Variants in COL22A1 observed in about 807,000 individuals in gnomAD.
COL22A1 encodes collagen alpha-1(XXII) chain.
Under a neutral mutation model 248.9 loss-of-function variants are expected in COL22A1, and 221 were observed. That is an observed-to-expected ratio of 0.89 (90% CI 0.80 to 0.99). The LOEUF (loss-of-function observed/expected upper bound fraction) is 0.99, where lower values mean the gene tolerates loss of function less well. COL22A1 is among the 50% of genes least tolerant of loss of function. The probability of loss-of-function intolerance (pLI) is 0.00; values close to 1 mark genes in which losing one functional copy is unlikely to be tolerated. For missense variants in COL22A1, 2,240 were observed against 2,179.0 expected, an observed-to-expected ratio of 1.03 and a Z score of -0.56; for synonymous variants, 891 against 793.4, an observed-to-expected ratio of 1.12 and a Z score of -2.07.
chr8:138,828,712 T>C (rs1306823485), intron 5 of COL22A1, among the ~76,000 whole-genome samples: 1 of 151,188 alleles, frequency 6.6e-6, no homozygotes, highest in Non-Finnish European at 1.5e-5. Context: ...ATCATGCCAC[T>C]GCACTCCAGC....
intron 10 of COL22A1, among the ~76,000 whole-genome samples, chr8:138,805,355 G>A (rs1388249396): frequency 2.0e-5 from 3 of 149,226 alleles, no homozygotes; most frequent in Admixed American, 6.7e-5. Context: ...GTGGATGTGT[G>A]ATGGTGTGCA....
chr8:138,636,543 G>A (rs1821192577), intron 48 of COL22A1, among the ~76,000 whole-genome samples, 199 bp downstream of exon 48: 1 of 16,584 alleles, frequency 6.0e-5, no homozygotes, highest in Non-Finnish European at 2.8e-4. Flanking sequence ...AAGGCAGGGA[G>A]GCTTCTCCAA....
intron 47 of COL22A1, among the ~76,000 whole-genome samples, chr8:138,639,510 T>G (rs371583340): frequency 5.9e-5 from 9 of 152,178 alleles, no homozygotes; most frequent in African/African-American, 2.2e-4. Context: ...GCATTCATAT[T>G]TAGTCCTCTT....
intron 51 of COL22A1, among the ~76,000 whole-genome samples, chr8:138,625,123 G>A (rs753446541): frequency 4.6e-5 from 7 of 152,084 alleles, no homozygotes; most frequent in Non-Finnish European, 8.8e-5. Context: ...ATAGAAATGC[G>A]ATCACCAGAT....
chr8:138,850,252 G>A (rs953065298), intron 3 of COL22A1, among the ~76,000 whole-genome samples: 4 of 152,204 alleles, frequency 2.6e-5, no homozygotes, highest in African/African-American at 9.6e-5. Context: ...TCCTCTGGCT[G>A]TTCAATCCAC....
At chr8:138,851,643 G>A (rs112769728) in intron 3 of COL22A1, among the ~76,000 whole-genome samples, 8 of 152,316 alleles carry the variant, frequency 5.3e-5, no homozygotes, top group African/African-American at 1.9e-4. Context: ...GCTTTCTCTA[G>A]GAGAGGATGG....
chr8:138,878,253 T>C lies in COL22A1; in HGVS notation c.155A>G (p.Glu52Gly), dbSNP rs776865932. The C allele has an allele frequency of 6.3e-7, 1 of 1,588,948 alleles. No homozygotes were observed. Among genetic ancestry groups the C allele is most frequent in the South Asian group, 1.2e-5 (1 of 86,806 alleles). Residue 52 changes from glutamate to glycine, a missense_variant, in exon 3 of 65, where the codon GAG becomes GGG. Transcript: ENST00000303045. ...LLDTSSSVGK[E>G]DFEKVRQWVA... ...CCACTGCCGGACCTTCTCAAAGTCC[T>C]CCTTGCCCACGCTGGAGGAGGTGTC...
chr8:138,626,289 T>C (rs1332435750), intron 50 of COL22A1, 46 bp from the exon 51 acceptor site: 1 of 1,486,262 alleles, frequency 6.7e-7, no homozygotes, highest in Admixed American at 1.7e-5. Context: ...TCTGCTGGCT[T>C]TTCTGGAAGT....
chr8:138,745,188 T>C (rs570812438), intron 22 of COL22A1, among the ~76,000 whole-genome samples: 14 of 143,886 alleles, frequency 9.7e-5, no homozygotes, highest in African/African-American at 3.8e-4. Flanking sequence ...TTACCAACTT[T>C]TCTTTTTTTT....
intron 2 of COL22A1, 25 bp from the exon 3 acceptor site, chr8:138,878,341 C>T (rs893391624): frequency 2.0e-5 from 30 of 1,488,128 alleles, no homozygotes; most frequent in African/African-American, 2.8e-5. Flanking sequence ...GAAGGGGTGG[C>T]GTAGGGCAAA....
chr8:138,651,475 T>C (rs1278753487), intron 45 of COL22A1, among the ~76,000 whole-genome samples: 2 of 152,234 alleles, frequency 1.3e-5, no homozygotes, highest in Non-Finnish European at 1.5e-5. Flanking sequence ...TGGCGACTTG[T>C]GCCATCTTCT....
At chr8:138,779,483 A>C in intron 14 of COL22A1, 26 bp downstream of exon 14, 5 of 1,577,026 alleles carry the variant, frequency 3.2e-6, no homozygotes, top group African/African-American at 1.3e-5. Context: ...GAGCATCAGA[A>C]GGGCCCAGCT....
rs1355823325 is a variant in COL22A1 at position 138,636,795 on chromosome 8, C to T, written c.3502G>A (p.Gly1168Arg). 3.7e-6 allele frequency: 6 copies of T among 1,612,288 alleles called. No individual in the cohort carries two copies. The highest frequency in any genetic ancestry group is 5.1e-6 in the Non-Finnish European group (6 of 1,178,820). ...TCTGCACCACGTTCTCCTTGACTTC[C>T]CTTGAAAGGAAAAAAAAGAAAAGAA... ...PGPPGIAGPQ[G>R]SQGERGADGE... The change falls in exon 48 of 65, where the codon GGA (glycine) becomes AGA (arginine). Residue 1168 changes from glycine (G) to arginine (R), a missense_variant and splice_region_variant. Physicochemically the swap from Gly to Arg is moderately radical, Grantham distance 125. Transcript: ENST00000303045.
At chr8:138,773,306 C>G (rs538651646) in intron 16 of COL22A1, among the ~76,000 whole-genome samples, 1 of 152,150 alleles carries the variant, frequency 6.6e-6, no homozygotes, top group Non-Finnish European at 1.5e-5. Context: ...CTTCTGGCTG[C>G]CCCCCGAGGG....
intron 12 of COL22A1, among the ~76,000 whole-genome samples, chr8:138,788,457 T>C (rs1442078173): frequency 2.6e-5 from 4 of 152,194 alleles, no homozygotes; most frequent in Admixed American, 2.0e-4. Context: ...AAATAGCACA[T>C]GCATGAATCC....
At chr8:138,700,843 G>A (rs754617167) in intron 31 of COL22A1, among the ~76,000 whole-genome samples, 1 of 152,072 alleles carries the variant, frequency 6.6e-6, no homozygotes, top group African/African-American at 2.4e-5. Flanking sequence ...AAATTAGCTA[G>A]GCGTGATGCC....
In COL22A1 at chr8:138,716,708, T is replaced by C. The variant is rs1829460647; in HGVS notation, c.2400+117A>G. On this transcript the variant is annotated intron_variant, in intron 28 of 64. Coordinates refer to ENST00000303045, the MANE Select transcript of COL22A1 (RefSeq NM_152888.3). Reference sequence around the variant, plus strand: ...TGTCCAGTTTATCCTGGACATATAGTGAGCTCCCAAAAACCAGGATTAATT... The same window carrying C: ...TGTCCAGTTTATCCTGGACATATAGCGAGCTCCCAAAAACCAGGATTAATT... 1.2e-5 allele frequency: 9 copies of C among 753,768 alleles called. No homozygotes were observed. In the South Asian group the frequency reaches 1.4e-4, roughly 12 times the overall value. The allele number at this position is 753,768 out of a possible 1,614,324, so 46.7% of individuals were successfully genotyped here.
At chr8:138,794,529 T>C (rs1816333590) in intron 12 of COL22A1, among the ~76,000 whole-genome samples, 1 of 152,326 alleles carries the variant, frequency 6.6e-6, no homozygotes, top group East Asian at 1.9e-4. Flanking sequence ...TCTGAATATT[T>C]ATTCAAAAGA....
intron 6 of COL22A1, among the ~76,000 whole-genome samples, chr8:138,822,977 C>A (rs970150286): frequency 6.6e-6 from 1 of 152,186 alleles, no homozygotes; most frequent in Non-Finnish European, 1.5e-5. Context: ...ATCCCTTAAC[C>A]GCATCAGCTC....
Sources: gnomAD v4.1 joint callset for allele counts (sites outside exome capture counted in the v4.1 genomes callset) on GRCh38, gnomAD v4.1.1 for gene constraint, MANE v1.5 for transcripts, NCBI Gene and HGNC (gene_info 2026-07-23, HGNC 2026-07-21) for gene names.